The following XXYLT1 variants were observed in gnomAD, a reference collection of about 807,000 sequenced individuals.
XXYLT1 encodes xyloside xylosyltransferase 1.
A neutral mutation model predicts 28.9 loss-of-function variants in XXYLT1; 20 were observed. The observed-to-expected ratio is 0.69, with a 90% CI of 0.49 to 1.00. The LOEUF is 1.00. Ranked by LOEUF, XXYLT1 falls within the 50% of genes least tolerant of loss-of-function variation. XXYLT1 has a pLI of 0.00. For missense variants in XXYLT1, 542 were observed against 560.1 expected, an observed-to-expected ratio of 0.97 and a Z score of 0.33; for synonymous variants, 257 against 253.8, an observed-to-expected ratio of 1.01 and a Z score of -0.12.
At chr3:195,130,033 A>G (rs1718826278) in intron 3 of XXYLT1, among the ~76,000 whole-genome samples, 2 of 152,112 alleles carry the variant, frequency 1.3e-5, no homozygotes, top group Admixed American at 1.3e-4. Context: ...CTGGTGTCTC[A>G]CTGTAGCTTT....
At chr3:195,128,856 A>G (rs1718765399) in intron 3 of XXYLT1, among the ~76,000 whole-genome samples, 2 of 152,204 alleles carry the variant, frequency 1.3e-5, no homozygotes, top group Non-Finnish European at 1.5e-5. Flanking sequence ...AAACACTGGT[A>G]CACAATAAAT....
chr3:195,201,214 T>A (rs1722835544), intron 2 of XXYLT1, among the ~76,000 whole-genome samples: 1 of 152,286 alleles, frequency 6.6e-6, no homozygotes, highest in East Asian at 1.9e-4. Flanking sequence ...AGTTCCTCTG[T>A]GAAGAGAGTG....
In XXYLT1 at chr3:195,257,022, C is replaced by T. The variant is rs1725503351; in HGVS notation, c.504+13533G>A. 2.6e-5 allele frequency among the ~76,000 whole-genome samples: 4 copies of T among 152,232 alleles called. No individual in the cohort carries two copies. In the South Asian group the frequency reaches 8.3e-4, roughly 31 times the overall value. On this transcript the variant is annotated intron_variant, in intron 1 of 3. Transcript: ENST00000310380. This position sits in a 1 kb window ranked among gnomAD's most constrained non-coding sequence, Gnocchi z 4.3. ...TCCAAAACCCAAAACACCGCTGACA[C>T]TTCATGGCTAGTGTCAGGCTGGATG...
rs902294616 is a variant in XXYLT1 at position 195,151,072 on chromosome 3, C to A, written c.785+5377G>T. On this transcript the variant is annotated intron_variant, in intron 3 of 3. Transcript: ENST00000310380. The stretch of plus-strand genomic sequence containing the variant: ...AGAGACCTTGAGGGCTGCCTCCCAC[C>A]CCCTCCCTCTCTTACCCTGGTTTCC... Among the ~76,000 whole-genome samples, 24 of 152,120 alleles carry A rather than the reference C, an allele frequency of 1.6e-4. No individual in the cohort carries two copies. The East Asian group carries it at 3.7e-3, about 23-fold the overall frequency.
chr3:195,230,154 T>C (rs1314090095), intron 1 of XXYLT1, among the ~76,000 whole-genome samples: 1 of 152,246 alleles, frequency 6.6e-6, no homozygotes, highest in Non-Finnish European at 1.5e-5. Context: ...CACCTTTTCA[T>C]ATACATGTTT....
chr3:195,166,031 T>C (rs1721102573), intron 2 of XXYLT1, among the ~76,000 whole-genome samples: 1 of 152,088 alleles, frequency 6.6e-6, no homozygotes, highest in African/African-American at 2.4e-5. Context: ...CTGATAAGAA[T>C]GACACAGGAA....
rs369979304 is a variant in XXYLT1 at position 195,270,827 on chromosome 3, C to T, written c.232G>A (p.Val78Met). The T allele has an allele frequency of 2.9e-5, 42 of 1,471,642 alleles. No individual in the cohort carries two copies. Among genetic ancestry groups the T allele is most frequent in the African/African-American group, 4.4e-5 (3 of 68,522 alleles). 91.2% of individuals were successfully genotyped at this position (1,471,642 alleles called of 1,614,324 possible). A position where few individuals can be genotyped will look rare whatever the true frequency, so the allele number is the denominator to read the frequency against. ...GCCTTCGCGCCGGGGGCTGGCGCCACGGAGCCCCGCGCTAGCTCCAGCGCG... is the reference window on the plus strand; with the variant it reads ...GCCTTCGCGCCGGGGGCTGGCGCCATGGAGCCCCGCGCTAGCTCCAGCGCG... Reference protein sequence around the residue: ...PPALELARGSVAPAPGAKAKS... With the variant: ...PPALELARGSMAPAPGAKAKS... Residue 78 changes from valine to methionine, a missense_variant, in exon 1 of 4, where the codon GTG becomes ATG. Physicochemically the swap from Val to Met is conservative, Grantham distance 21. Transcript: ENST00000310380.
intron 1 of XXYLT1, among the ~76,000 whole-genome samples, chr3:195,232,793 C>T (rs1397815848): frequency 1.3e-5 from 2 of 152,146 alleles, no homozygotes; most frequent in African/African-American, 4.8e-5. Flanking sequence ...GTTTTGCAAC[C>T]TAGCATATGG....
intron 1 of XXYLT1, among the ~76,000 whole-genome samples, chr3:195,252,948 GAAC>G (rs759171308): frequency 3.3e-5 from 5 of 152,152 alleles, no homozygotes; most frequent in Non-Finnish European, 7.4e-5. Context: ...CGTGAGTAGA[GAAC>G]AAAATTCCCC....
At chr3:195,096,649 T>C (rs1029210955) in intron 3 of XXYLT1, among the ~76,000 whole-genome samples, 1 of 143,018 alleles carries the variant, frequency 7.0e-6, no homozygotes, top group Non-Finnish European at 1.6e-5. Context: ...AAACCATTCC[T>C]TCTCCTCCTC....
intron 2 of XXYLT1, among the ~76,000 whole-genome samples, chr3:195,225,728 G>A (rs572157631): frequency 2.0e-5 from 3 of 151,976 alleles, no homozygotes; most frequent in East Asian, 1.9e-4. Flanking sequence ...CACATGTGGT[G>A]GGGGGGACCT....
chr3:195,135,475 G>A (rs573392680), intron 3 of XXYLT1, among the ~76,000 whole-genome samples: 22 of 152,262 alleles, frequency 1.4e-4, no homozygotes, highest in Admixed American at 1.4e-3. Context: ...GGAGATGGGA[G>A]GGAGGACAGT....
chr3:195,198,786 C>T (rs1385584090), intron 2 of XXYLT1, among the ~76,000 whole-genome samples: 1 of 152,132 alleles, frequency 6.6e-6, no homozygotes, highest in Admixed American at 6.5e-5. Context: ...GGTCATGGCA[C>T]CCGCAGTTCT....
intron 3 of XXYLT1, among the ~76,000 whole-genome samples, chr3:195,073,951 G>A (rs927167227): frequency 6.6e-6 from 1 of 152,058 alleles, no homozygotes; most frequent in Admixed American, 6.6e-5. Flanking sequence ...CTCTGCTAAG[G>A]GCTCTCGAGA....
At chr3:195,205,955 A>T (rs1723053520) in intron 2 of XXYLT1, among the ~76,000 whole-genome samples, 1 of 152,154 alleles carries the variant, frequency 6.6e-6, no homozygotes, top group African/African-American at 2.4e-5. Flanking sequence ...AAAGTGGGTA[A>T]AGGATCTCTG....
intron 2 of XXYLT1, among the ~76,000 whole-genome samples, chr3:195,206,450 A>G (rs1191763744): frequency 6.6e-6 from 1 of 151,448 alleles, no homozygotes; most frequent in Non-Finnish European, 1.5e-5. Flanking sequence ...TGCTAAATGT[A>G]ATAAAAATAG....
intron 1 of XXYLT1, among the ~76,000 whole-genome samples, chr3:195,251,188 C>T (rs1261332669): frequency 6.6e-6 from 1 of 152,236 alleles, no homozygotes; most frequent in African/African-American, 2.4e-5. Flanking sequence ...CCCACCTCCA[C>T]CCCACCTGCT....
intron 1 of XXYLT1, among the ~76,000 whole-genome samples, chr3:195,252,719 CACACACACAG>C (rs1231145884): frequency 0.016 from 2,189 of 138,218 alleles, 19 homozygotes; most frequent in African/African-American, 0.029. Context: ...CACACACACA[CACACACACAG>C]AGAGAGAGAG....
chr3:195,223,907 A>G (rs1382274047), intron 2 of XXYLT1, among the ~76,000 whole-genome samples: 1 of 152,252 alleles, frequency 6.6e-6, no homozygotes, highest in African/African-American at 2.4e-5. Flanking sequence ...CTGTAATCCC[A>G]GCACTTTGGG....
Sources: gnomAD v4.1 joint callset for allele counts (sites outside exome capture counted in the v4.1 genomes callset) on GRCh38, gnomAD v4.1.1 for gene constraint, Gnocchi (gnomAD v3.1) non-coding constraint, MANE v1.5 for transcripts, NCBI Gene and HGNC (gene_info 2026-07-23, HGNC 2026-07-21) for gene names.